The following PHF3 variants were observed in gnomAD, a reference collection of about 807,000 sequenced individuals.
PHF3 encodes the protein PHD finger protein 3.
Under a neutral mutation model 178.4 loss-of-function variants are expected in PHF3, and 41 were observed. That is an observed-to-expected ratio of 0.23 (90% CI 0.18 to 0.30). The LOEUF (loss-of-function observed/expected upper bound fraction) is 0.30, where lower values mean the gene tolerates loss of function less well. PHF3 is among the 10% of genes least tolerant of loss of function. The pLI, the probability that PHF3 is intolerant of heterozygous loss-of-function variation, is 1.00. For missense variants in PHF3, 2,346 were observed against 2,398.1 expected (o/e 0.98, Z 0.45); for synonymous variants, 842 against 800.5 (o/e 1.05, Z -0.88).
chr6:63,665,485 TG>T (rs761598792), intron 2 of PHF3, among the ~76,000 whole-genome samples: 1 of 133,584 alleles, frequency 7.5e-6, no homozygotes, highest in African/African-American at 3.2e-5. Flanking sequence ...GGTTTTTTTT[TG>T]TTTTTTTTTT....
In PHF3 at chr6:63,718,915, A is replaced by C. The variant is rs1313085554; in HGVS notation, c.*5207A>C. ...CAAAAGGAATTTCTTCAGAGCATTT[A>C]TCCTTATGATCTGAGTATCTCCAAA... is the stretch of plus-strand genomic sequence containing the variant. On this transcript the variant is annotated 3_prime_UTR_variant, in exon 16 of 16. Coordinates refer to ENST00000262043, the MANE Select transcript of PHF3 (RefSeq NM_001370348.2). 6.6e-6 allele frequency among the ~76,000 whole-genome samples: 1 copy of C among 152,026 alleles called. No individual in the cohort carries two copies. Among genetic ancestry groups the C allele is most frequent in the Non-Finnish European group, 1.5e-5 (1 of 67,938 alleles).
rs1180682813 is a variant in PHF3 at position 63,691,995 on chromosome 6, C to T, written c.2448C>T (p.Thr816=). The T allele has an allele frequency of 6.2e-7, 1 of 1,613,018 alleles. No individual in the cohort carries two copies. Among genetic ancestry groups the T allele is most frequent in the Non-Finnish European group, 8.5e-7 (1 of 1,179,666 alleles). Residue 816 remains threonine (T), a synonymous_variant, in exon 5 of 16, where the codon ACC becomes ACT. Transcript: ENST00000262043. ...GLSKHTTNDR[T]KYIDDTVKHK... is the part of the protein sequence containing the mutation. ...CAAAACACACAACAAATGATAGAAC[C>T]AAATATATAGATGATACAGTGAAGC...
At chr6:63,646,310 T>C (rs150735581) in intron 1 of PHF3, among the ~76,000 whole-genome samples, 3 of 152,250 alleles carry the variant, frequency 2.0e-5, no homozygotes, top group African/African-American at 7.2e-5. Context: ...GGTAAAATGA[T>C]ATACTACATG....
In PHF3 at chr6:63,679,958, C is replaced by A. The variant is rs114299749; in HGVS notation, c.245-42C>A. 7.8e-4 allele frequency: 1,198 copies of A among 1,528,364 alleles called. 14 individuals carry two copies. In the African/African-American group the frequency reaches 0.015, roughly 19 times the overall value. The allele number at this position is 1,528,364 out of a possible 1,614,324, so 94.7% of individuals were successfully genotyped here. A position where few individuals can be genotyped will look rare whatever the true frequency, so the allele number is the denominator to read the frequency against. On this transcript the variant is annotated intron_variant, in intron 2 of 15. Transcript: ENST00000262043. ...TACTGCCTTTAATTGCCTAACATTC[C>A]CAATATTTTTAAAAGTTAATTTTTT...
At position 63,706,761 on chromosome 6, in the gene PHF3, C is replaced by T. The variant is rs756779379; in HGVS notation, c.3596C>T (p.Ser1199Phe). ...PEMPGTVEVE[S>F]TFLARLNFIW... ...ATGCCTGGAACTGTTGAAGTTGAGT[C>T]TACCTTTCTGGCTCGATTGAACTTC... Residue 1199 changes from serine (S) to phenylalanine (F), a missense_variant, in exon 13 of 16, where the codon TCT becomes TTT. Coordinates refer to ENST00000262043, the MANE Select transcript of PHF3 (RefSeq NM_001370348.2). The T allele has an allele frequency of 1.2e-6, 2 of 1,613,872 alleles. No homozygotes were observed. Among genetic ancestry groups the T allele is most frequent in the Non-Finnish European group, 1.7e-6 (2 of 1,179,884 alleles).
At chr6:63,701,832 G>A (rs1361936776) in intron 9 of PHF3, among the ~76,000 whole-genome samples, 1 of 152,046 alleles carries the variant, frequency 6.6e-6, no homozygotes, top group African/African-American at 2.4e-5. Context: ...AGTAACATCT[G>A]TATCAGAAAA....
chr6:63,718,626 T>C lies in PHF3; in HGVS notation c.*4918T>C, dbSNP rs1291048932. On this transcript the variant is annotated 3_prime_UTR_variant, in exon 16 of 16. Coordinates refer to ENST00000262043, the MANE Select transcript of PHF3 (RefSeq NM_001370348.2). ...GTAGTATGTCATTTTATTTGAAATA[T>C]ATGAAGAAAATCTGGCTATATGTGC... Among the ~76,000 whole-genome samples the C allele has an allele frequency of 3.9e-5, 6 of 151,994 alleles. No individual in the cohort carries two copies. Among genetic ancestry groups the C allele is most frequent in the South Asian group, 2.1e-4 (1 of 4,834 alleles).
At position 63,713,132 on chromosome 6, in the gene PHF3, T is replaced by C; in HGVS notation, c.5544T>C (p.Ala1848=). 6.2e-7 allele frequency: 1 copy of C among 1,614,020 alleles called. No homozygotes were observed. Among genetic ancestry groups the C allele is most frequent in the Non-Finnish European group, 8.5e-7 (1 of 1,179,958 alleles). Reference sequence around the variant, plus strand: ...TTCCCCCTCCAGGCTTTGGCTTTGCTCAAAATCCCATGGTTCCCTGGCCAC... The same window carrying C: ...TTCCCCCTCCAGGCTTTGGCTTTGCCCAAAATCCCATGGTTCCCTGGCCAC... ...PLLPPPGFGF[A]QNPMVPWPPV... The change falls in exon 16 of 16, where the codon GCT becomes GCC. Residue 1848 remains alanine, a synonymous_variant. Coordinates refer to ENST00000262043, the MANE Select transcript of PHF3 (RefSeq NM_001370348.2).
In PHF3 at chr6:63,636,143, G is replaced by C. The variant is rs761001481; in HGVS notation, c.-33G>C. 1 of 388,148 alleles carries C rather than the reference G, an allele frequency of 2.6e-6. No homozygotes were observed. The allele number at this position is 388,148 out of a possible 1,614,324, so 24.0% of individuals were successfully genotyped here. Reference sequence around the variant, plus strand: ...CTGCCAGTGGTAGCGCTCGTCTGGCGGAGCTGGGTGAGTTGCGGCTGTGGC... The same window carrying C: ...CTGCCAGTGGTAGCGCTCGTCTGGCCGAGCTGGGTGAGTTGCGGCTGTGGC... On this transcript the variant is annotated 5_prime_UTR_variant, in exon 1 of 16. Coordinates refer to ENST00000262043, the MANE Select transcript of PHF3 (RefSeq NM_001370348.2).
intron 1 of PHF3, 133 bp downstream of exon 1, chr6:63,636,283 A>G (rs1028213994): frequency 2.1e-5 from 5 of 236,002 alleles, no homozygotes; most frequent in Admixed American, 5.7e-5. Flanking sequence ...TCTCCCGCGC[A>G]GCCGAGAGAT....
chr6:63,673,951 A>G (rs1255046326), intron 2 of PHF3, among the ~76,000 whole-genome samples: 1 of 152,114 alleles, frequency 6.6e-6, no homozygotes, highest in African/African-American at 2.4e-5. Context: ...CAGTCAAAGG[A>G]TAGGGGTGGC....
rs1253370777 is a variant in PHF3, at chr6:63,694,611, T to G, written c.2527T>G (p.Cys843Gly). 52 of 1,569,128 alleles carry G rather than the reference T, an allele frequency of 3.3e-5. No homozygotes were observed. The highest frequency in any genetic ancestry group is 4.3e-5 in the Non-Finnish European group (50 of 1,156,308). Residue 843 changes from cysteine to glycine, a missense_variant, in exon 6 of 16, where the codon TGT becomes GGT. This residue lies in a region of PHF3 where 252 missense variants were observed against 232.0 expected (regional missense o/e 1.09). Transcript: ENST00000262043. ...ESGEGRNSSD[C>G]RDNEIKKWQL... Reference sequence around the variant, plus strand: ...TGGTGAAGGCAGAAATTCATCAGACTGTAGAGATAATGAAATTAAAAAATG... The same window carrying G: ...TGGTGAAGGCAGAAATTCATCAGACGGTAGAGATAATGAAATTAAAAAATG...
chr6:63,687,166 C>T (rs564561767), intron 4 of PHF3, among the ~76,000 whole-genome samples: 1 of 152,138 alleles, frequency 6.6e-6, no homozygotes, highest in East Asian at 1.9e-4. Context: ...CCTGTAATCC[C>T]AGCACTTTGG....
chr6:63,643,135 C>G (rs1023905781), intron 1 of PHF3, among the ~76,000 whole-genome samples: 1 of 151,680 alleles, frequency 6.6e-6, no homozygotes, highest in Non-Finnish European at 1.5e-5. Context: ...TGCTACTGTC[C>G]CTTTTCTGTT....
chr6:63,721,869 G>A lies in PHF3; in HGVS notation c.*8161G>A. ...CCATTGAAAACTTTTGCTGTTTCTG[G>A]CCAAGTTGGATAAGTTTTAGTTATG... On this transcript the variant is annotated 3_prime_UTR_variant, in exon 16 of 16. Transcript: ENST00000262043. 2 of 1,392,962 alleles carry A rather than the reference G, an allele frequency of 1.4e-6. No individual in the cohort carries two copies. The highest frequency in any genetic ancestry group is 1.9e-6 in the Non-Finnish European group (2 of 1,042,686). 86.3% of individuals were successfully genotyped at this position (1,392,962 alleles called of 1,614,324 possible). A position where few individuals can be genotyped will look rare whatever the true frequency, so the allele number is the denominator to read the frequency against.
Position 63,698,262 on chromosome 6 carries a change from A to C in PHF3, c.2720A>C (p.Glu907Ala). Residue 907 changes from glutamate (E) to alanine (A), a missense_variant, in exon 7 of 16, where the codon GAA becomes GCA. Around this residue, in one of 8 missense-constraint regions of PHF3, gnomAD observed 252 missense variants for 232.0 expected, o/e 1.09. Transcript: ENST00000262043. Reference protein sequence around the residue: ...EKQEMKKKKVEKGVLNVHPAA... With the variant: ...EKQEMKKKKVAKGVLNVHPAA... ...CAAGAGATGAAAAAGAAGAAAGTTG[A>C]AAAAGGAGTGCTTAATGTACATCCT... 1 of 1,611,512 alleles carries C rather than the reference A, an allele frequency of 6.2e-7. No individual in the cohort carries two copies. The highest frequency in any genetic ancestry group is 8.5e-7 in the Non-Finnish European group (1 of 1,178,252).
chr6:63,692,409 A>G (rs1396840897), intron 5 of PHF3, among the ~76,000 whole-genome samples: 1 of 152,104 alleles, frequency 6.6e-6, no homozygotes, highest in South Asian at 2.1e-4. Context: ...CAGCCCTTTG[A>G]CCATTTGGCA....
intron 4 of PHF3, among the ~76,000 whole-genome samples, chr6:63,689,117 T>G (rs374158687): frequency 4.7e-4 from 72 of 152,326 alleles, no homozygotes; most frequent in African/African-American, 1.5e-3. Flanking sequence ...CTTCCTTTTA[T>G]TTTCCTGATT....
At position 63,706,374 on chromosome 6, in the gene PHF3, A is replaced by G. The variant is rs1384124051; in HGVS notation, c.3563+150A>G. 3 of 616,504 alleles carry G rather than the reference A, an allele frequency of 4.9e-6. No homozygotes were observed. In the Admixed American group the frequency reaches 9.9e-5, roughly 20 times the overall value. 38.2% of individuals were successfully genotyped at this position (616,504 alleles called of 1,614,324 possible). A position where few individuals can be genotyped will look rare whatever the true frequency, so the allele number is the denominator to read the frequency against. ...TTCCTGTACTTTGAGATAAAACAAGACTTCGAAAATAAATATATTTGGAGT... is the reference window on the plus strand; with the variant it reads ...TTCCTGTACTTTGAGATAAAACAAGGCTTCGAAAATAAATATATTTGGAGT... On this transcript the variant is annotated intron_variant, in intron 12 of 15. Coordinates refer to ENST00000262043, the MANE Select transcript of PHF3 (RefSeq NM_001370348.2).
Sources: allele counts gnomAD v4.1 joint callset (sites outside exome capture counted in the v4.1 genomes callset), GRCh38; gene constraint gnomAD v4.1.1; regional missense constraint gnomAD v4.1.1; transcripts MANE v1.5; gene names NCBI Gene and HGNC (gene_info 2026-07-23, HGNC 2026-07-21).